Variants in PCLO observed in about 807,000 individuals in gnomAD.
PCLO encodes piccolo presynaptic cytomatrix protein.
Under a neutral mutation model 427.5 loss-of-function variants are expected in PCLO, and 82 were observed. That is an observed-to-expected ratio of 0.19 (90% CI 0.16 to 0.23). The LOEUF (loss-of-function observed/expected upper bound fraction) is 0.23. Ranked by LOEUF, PCLO falls within the 10% of genes least tolerant of loss-of-function variation. PCLO has a pLI of 1.00. For synonymous variants in PCLO, 2,357 were observed against 2,155.4 expected (o/e 1.09, Z -2.59); for missense variants, 6,239 against 6,115.9 (o/e 1.02, Z -0.67).
intron 3 of PCLO, among the ~76,000 whole-genome samples, chr7:83,046,235 TA>T (rs1398922926): frequency 6.6e-6 from 1 of 152,020 alleles, no homozygotes; most frequent in Non-Finnish European, 1.5e-5. Flanking sequence ...ATAACACATA[TA>T]AATTTTGGGA....
Position 82,916,748 on chromosome 7 carries a change from A to G in PCLO, c.11238T>C (p.Val3746=). The change falls in exon 7 of 25, where the codon GTT becomes GTC. Residue 3746 remains valine (V), a synonymous_variant. Coordinates refer to ENST00000333891, the MANE Select transcript of PCLO (RefSeq NM_033026.6). ...TQSTFSTMGT[V]SRRRICRTNT... is the part of the protein sequence containing the mutation. ...TGGTTCTGCAGATCCTTCTCCTGGA[A>G]ACTGTGCCCATTGTGCTGAATGTGG... 6.2e-7 allele frequency: 1 copy of G among 1,613,662 alleles called. No homozygotes were observed. The highest frequency in any genetic ancestry group is 8.5e-7 in the Non-Finnish European group (1 of 1,179,700).
chr7:83,114,145 G>A (rs1791073788), intron 3 of PCLO, among the ~76,000 whole-genome samples: 1 of 152,112 alleles, frequency 6.6e-6, no homozygotes, highest in African/African-American at 2.4e-5. Flanking sequence ...TCACCTAAAT[G>A]CTGCTTTTCC....
intron 3 of PCLO, among the ~76,000 whole-genome samples, chr7:83,126,741 GA>G (rs1239905665): frequency 6.6e-6 from 1 of 151,788 alleles, no homozygotes; most frequent in Non-Finnish European, 1.5e-5. Flanking sequence ...GTATAAAAAG[GA>G]AATTTTTAAG....
chr7:83,134,831 G>C lies in PCLO; in HGVS notation c.2719C>G (p.Leu907Val). Reference sequence around the variant, plus strand: ...GCATCAGTAATACTTCCCAGATTCAGACTGAAACGCCTTGACTGCTCCTGA... The same window carrying C: ...GCATCAGTAATACTTCCCAGATTCACACTGAAACGCCTTGACTGCTCCTGA... ...KPQEQSRRFS[L>V]NLGSITDAPK... The change falls in exon 3 of 25, where the codon CTG (leucine) becomes GTG (valine). Residue 907 changes from leucine (L) to valine (V), a missense_variant. Leu to Val is a conservative substitution (Grantham distance 32). This residue lies in a region of PCLO where 4,677 missense variants were observed against 4,468.4 expected (regional missense o/e 1.05). Transcript: ENST00000333891. 2 of 1,613,114 alleles carry C rather than the reference G, an allele frequency of 1.2e-6. No individual in the cohort carries two copies. Among genetic ancestry groups the C allele is most frequent in the Non-Finnish European group, 1.7e-6 (2 of 1,179,414 alleles).
chr7:82,897,166 A>C (rs945975404), intron 9 of PCLO, among the ~76,000 whole-genome samples: 5 of 151,674 alleles, frequency 3.3e-5, no homozygotes, highest in African/African-American at 4.8e-5. Flanking sequence ...AGATACATGG[A>C]GTTCATTTTA....
chr7:82,824,314 T>G lies in PCLO; in HGVS notation c.14518A>C (p.Ser4840Arg). The change falls in exon 19 of 25, where the codon AGT (serine) becomes CGT (arginine). Residue 4840 changes from serine to arginine, a missense_variant. Ser to Arg is a moderately radical substitution (Grantham distance 110, BLOSUM62 -1). Around this residue, in one of 5 missense-constraint regions of PCLO, gnomAD observed 877 missense variants for 925.5 expected, o/e 0.95. Transcript: ENST00000333891. The part of the protein sequence containing the change: ...ESIDHGKSHS[S>R]QSSQQSPKPS... ...TTTGGGGACTGCTGGCTGCTCTGAC[T>G]GGAATGAGACTTGCCATGATCAATG... 6.2e-7 allele frequency: 1 copy of G among 1,613,662 alleles called. No homozygotes were observed. Among genetic ancestry groups the G allele is most frequent in the Non-Finnish European group, 8.5e-7 (1 of 1,179,732 alleles).
intron 6 of PCLO, among the ~76,000 whole-genome samples, chr7:82,933,851 C>A (rs1794892950): frequency 6.6e-6 from 1 of 151,800 alleles, no homozygotes; most frequent in South Asian, 2.1e-4. Context: ...AAATCAGATC[C>A]CTCTCAAGAA....
intron 9 of PCLO, among the ~76,000 whole-genome samples, chr7:82,900,579 C>T (rs1171343398): frequency 1.3e-5 from 2 of 151,300 alleles, no homozygotes; most frequent in Admixed American, 6.6e-5. Context: ...AAATTTCATA[C>T]ATCTTTCAAA....
intron 24 of PCLO, among the ~76,000 whole-genome samples, chr7:82,760,029 C>T (rs1244424044): frequency 2.6e-5 from 4 of 151,624 alleles, no homozygotes; most frequent in East Asian, 3.9e-4. Flanking sequence ...TGATAGATGG[C>T]GAGAGTTGGA....
In PCLO at chr7:82,824,348, C is replaced by G; in HGVS notation, c.14484G>C (p.Gln4828His). The change falls in exon 19 of 25, where the codon CAG becomes CAC. Residue 4828 changes from glutamine to histidine, a missense_variant. By Grantham distance (24) the Gln-to-His change is conservative. Around this residue, in one of 5 missense-constraint regions of PCLO, gnomAD observed 877 missense variants for 925.5 expected, o/e 0.95. Transcript: ENST00000333891. ...NTPRWYPLKE[Q>H]TESIDHGKSH... is the part of the protein sequence containing the mutation. ...ACTTGCCATGATCAATGCTTTCAGTCTGTTCTTTGAGAGGATACCACCTTG... is the reference window on the plus strand; with the variant it reads ...ACTTGCCATGATCAATGCTTTCAGTGTGTTCTTTGAGAGGATACCACCTTG... 6.2e-7 allele frequency: 1 copy of G among 1,613,030 alleles called. No individual in the cohort carries two copies. The highest frequency in any genetic ancestry group is 1.3e-5 in the African/African-American group (1 of 74,892).
In PCLO at chr7:82,950,149, T is replaced by A; in HGVS notation, c.10439A>T (p.Asp3480Val). The change falls in exon 6 of 25, where the codon GAT becomes GTT. Residue 3480 changes from aspartate to valine, a missense_variant. Asp to Val is a radical substitution (Grantham distance 152, BLOSUM62 -3). Around this residue, in one of 5 missense-constraint regions of PCLO, gnomAD observed 4,677 missense variants for 4,468.4 expected, o/e 1.05. Transcript: ENST00000333891. ...TSVQTDDEDQ[D>V]EWDMPTRSRR... ...TGATCTAGTAGGCATATCCCACTCATCCTGATCTTCATCATCAGTTTGGAC... is the reference window on the plus strand; with the variant it reads ...TGATCTAGTAGGCATATCCCACTCAACCTGATCTTCATCATCAGTTTGGAC... 1 of 1,610,700 alleles carries A rather than the reference T, an allele frequency of 6.2e-7. No homozygotes were observed.
intron 21 of PCLO, among the ~76,000 whole-genome samples, chr7:82,802,786 T>C (rs1364322018): frequency 2.6e-5 from 4 of 152,144 alleles, no homozygotes; most frequent in African/African-American, 9.6e-5. Context: ...AATAATCCAA[T>C]TATATCTTAC....
intron 3 of PCLO, among the ~76,000 whole-genome samples, chr7:83,111,677 CTTG>C (rs377511305): frequency 1.5e-3 from 223 of 152,304 alleles, no homozygotes; most frequent in African/African-American, 5.1e-3. Flanking sequence ...CGAGTGCAGT[CTTG>C]TTAAGATCCT....
intron 22 of PCLO, among the ~76,000 whole-genome samples, chr7:82,779,960 A>T (rs1162234336): frequency 1.3e-5 from 2 of 152,234 alleles, no homozygotes; most frequent in South Asian, 4.1e-4. Context: ...GAACTAATAG[A>T]GTGTTCAGCA....
At chr7:83,099,085 T>C (rs529617465) in intron 3 of PCLO, among the ~76,000 whole-genome samples, 1 of 151,774 alleles carries the variant, frequency 6.6e-6, no homozygotes, top group South Asian at 2.1e-4. Flanking sequence ...ACGCTAACCA[T>C]ATAAATTAAA....
intron 23 of PCLO, 21 bp downstream of exon 23, chr7:82,761,338 G>A: frequency 7.6e-7 from 1 of 1,313,318 alleles, no homozygotes; most frequent in South Asian, 1.4e-5. Flanking sequence ...ATATATTGAT[G>A]ATTATAATAG....
At chr7:82,936,752 A>G (rs1030836982) in intron 6 of PCLO, among the ~76,000 whole-genome samples, 10 of 151,742 alleles carry the variant, frequency 6.6e-5, no homozygotes, top group African/African-American at 2.2e-4. Context: ...CAATAGCCAT[A>G]TATTCATTAG....
At chr7:82,799,978 C>A (rs57710010) in intron 22 of PCLO, among the ~76,000 whole-genome samples, 2 of 151,970 alleles carry the variant, frequency 1.3e-5, no homozygotes, top group Non-Finnish European at 2.9e-5. Context: ...GACACAAATG[C>A]CTGACATACT....
At chr7:82,867,567 C>A (rs1181817194) in intron 10 of PCLO, among the ~76,000 whole-genome samples, 1 of 152,124 alleles carries the variant, frequency 6.6e-6, no homozygotes, top group Non-Finnish European at 1.5e-5. Flanking sequence ...AAAGTAACCA[C>A]TCCAAGCTTA....
Sources: allele counts gnomAD v4.1 joint callset (sites outside exome capture counted in the v4.1 genomes callset), GRCh38; gene constraint gnomAD v4.1.1; regional missense constraint gnomAD v4.1.1; transcripts MANE v1.5; gene names NCBI Gene and HGNC (gene_info 2026-07-23, HGNC 2026-07-21).